ATIC: variants seen among roughly 807,000 people sequenced by gnomAD.
The protein encoded by ATIC is bifunctional purine biosynthesis protein ATIC.
ATIC carries 64 observed loss-of-function variants against 72.5 expected under a neutral mutation model. The ratio of observed to expected loss-of-function variants is 0.88; its 90% confidence interval spans 0.72 to 1.09. The LOEUF (loss-of-function observed/expected upper bound fraction) is 1.09, where lower values mean the gene tolerates loss of function less well. Among genes scored for constraint, ATIC ranks in the 50% least tolerant of loss-of-function variants. ATIC has a pLI of 0.00. For missense variants in ATIC, 787 were observed against 732.4 expected, an observed-to-expected ratio of 1.07 and a Z score of -0.86; for synonymous variants, 281 against 267.1, an observed-to-expected ratio of 1.05 and a Z score of -0.51.
At chr2:215,342,163 C>T (rs1379971072) in intron 12 of ATIC, among the ~76,000 whole-genome samples, 2 of 152,088 alleles carry the variant, frequency 1.3e-5, no homozygotes, top group African/African-American at 4.8e-5. Flanking sequence ...CACAGCCAAA[C>T]CGTATCACCA....
chr2:215,325,419 A>G (rs1388674470), intron 5 of ATIC, 90 bp downstream of exon 5: 1 of 966,198 alleles, frequency 1.0e-6, no homozygotes, highest in Admixed American at 2.0e-5. Context: ...TACTGAGGAA[A>G]TAGAAAGAAA....
chr2:215,320,889 C>G (rs1174026251), intron 4 of ATIC, among the ~76,000 whole-genome samples: 1 of 152,108 alleles, frequency 6.6e-6, no homozygotes, highest in African/African-American at 2.4e-5. Context: ...CTGCCCGGCT[C>G]TGTTAAACAA....
the ATIC span, among the ~76,000 whole-genome samples, chr2:215,356,220 T>C: frequency 1.3e-5 from 2 of 152,244 alleles, no homozygotes; most frequent in Non-Finnish European, 2.9e-5. Context: ...ATGCTGATTA[T>C]TCTTTTCATA....
At chr2:215,361,560 C>T in the ATIC span, 1 of 1,601,856 alleles carries the variant, frequency 6.2e-7, no homozygotes, top group Non-Finnish European at 8.6e-7. Context: ...ATGATTTACT[C>T]TCGGGAATCT....
chr2:215,338,657 C>A, intron 11 of ATIC, 122 bp from the exon 12 acceptor site: 1 of 1,047,794 alleles, frequency 9.5e-7, no homozygotes, highest in Non-Finnish European at 1.4e-6. Flanking sequence ...AATTAGAAAA[C>A]TGTAAAAAAT....
At chr2:215,332,737 C>CGTTTAGAAA (rs1465545188) in intron 8 of ATIC, among the ~76,000 whole-genome samples, 1 of 152,018 alleles carries the variant, frequency 6.6e-6, no homozygotes, top group Admixed American at 6.6e-5. Context: ...GGGGTGGAAC[C>CGTTTAGAAA]ATAAAAGTTT....
chr2:215,323,089 C>T (rs907400810), intron 4 of ATIC, among the ~76,000 whole-genome samples: 2 of 152,148 alleles, frequency 1.3e-5, no homozygotes, highest in African/African-American at 4.8e-5. Flanking sequence ...GGACTATAGG[C>T]GCCCGCTACC....
intron 10 of ATIC, among the ~76,000 whole-genome samples, chr2:215,335,564 A>G (rs1166551255): frequency 2.0e-5 from 3 of 152,218 alleles, no homozygotes; most frequent in African/African-American, 7.2e-5. Flanking sequence ...TTCCATGGCC[A>G]CTGCCATCCC....
intron 2 of ATIC, among the ~76,000 whole-genome samples, chr2:215,317,224 AT>A (rs900527193): frequency 2.0e-5 from 3 of 151,932 alleles, no homozygotes; most frequent in African/African-American, 7.3e-5. Context: ...TTGTGTGATT[AT>A]TTTTTCTAGT....
At chr2:215,366,962 A>T in the ATIC span, among the ~76,000 whole-genome samples, 2 of 152,232 alleles carry the variant, frequency 1.3e-5, no homozygotes, top group Non-Finnish European at 2.9e-5. Context: ...TATATTGAAA[A>T]CACTGGCTGG....
At chr2:215,356,113 T>C in the ATIC span, among the ~76,000 whole-genome samples, 10 of 152,222 alleles carry the variant, frequency 6.6e-5, no homozygotes, top group Non-Finnish European at 1.2e-4. Flanking sequence ...ATGAGAACAA[T>C]ACTGACGTCT....
At chr2:215,339,409 G>A (rs2052993255) in intron 12 of ATIC, among the ~76,000 whole-genome samples, 1 of 152,206 alleles carries the variant, frequency 6.6e-6, no homozygotes, top group East Asian at 1.9e-4. Context: ...CCAGCTACTC[G>A]AGAGGCTGAG....
In ATIC at chr2:215,330,986, G is replaced by A. The variant is rs113868676; in HGVS notation, c.689-1396G>A. On this transcript the variant is annotated intron_variant, in intron 7 of 15. Transcript: ENST00000236959. Reference sequence around the variant, plus strand: ...GTGGGTTGGTAGCTTATTTCTTAATGCTGAATAATATTTCACTGTGTATGA... The same window carrying A: ...GTGGGTTGGTAGCTTATTTCTTAATACTGAATAATATTTCACTGTGTATGA... Among the ~76,000 whole-genome samples the A allele has an allele frequency of 8.9e-4, 135 of 152,194 alleles. 1 individual carries two copies. The highest frequency in any genetic ancestry group is 3.1e-3 in the African/African-American group (130 of 41,526).
rs185435839 is a variant in ATIC, at chr2:215,343,325, G to T, written c.1228-1454G>T. Among the ~76,000 whole-genome samples the T allele has an allele frequency of 3.7e-3, 557 of 152,000 alleles. 2 individuals are homozygous for T. Among genetic ancestry groups the T allele is most frequent in the African/African-American group, 0.013 (530 of 41,446 alleles). ...TTGCCCATTTTCTAATTAAATTTTTGATTGTTACTGAGTTTTTTTGTTTTG... is the reference window on the plus strand; with the variant it reads ...TTGCCCATTTTCTAATTAAATTTTTTATTGTTACTGAGTTTTTTTGTTTTG... On this transcript the variant is annotated intron_variant, in intron 12 of 15. Coordinates refer to ENST00000236959, the MANE Select transcript of ATIC (RefSeq NM_004044.7).
chr2:215,327,381 G>T (rs2052840509), intron 7 of ATIC, among the ~76,000 whole-genome samples: 1 of 152,174 alleles, frequency 6.6e-6, no homozygotes, highest in African/African-American at 2.4e-5. Context: ...ACAGAAAAGG[G>T]ACTGTTTGTT....
At chr2:215,333,237 G>A in intron 8 of ATIC, 113 bp from the exon 9 acceptor site, 1 of 827,626 alleles carries the variant, frequency 1.2e-6, no homozygotes, top group East Asian at 2.5e-5. Flanking sequence ...TTTAGCACAG[G>A]CACTAGAAAA....
chr2:215,368,104 CTG>C, the ATIC span: 3 of 1,424,926 alleles, frequency 2.1e-6, no homozygotes, highest in Non-Finnish European at 3.0e-6. Flanking sequence ...AATCGAATGA[CTG>C]TATACAATGA....
intron 9 of ATIC, 48 bp from the exon 10 acceptor site, chr2:215,334,871 G>T (rs770601949): frequency 1.4e-6 from 2 of 1,447,242 alleles, no homozygotes; most frequent in South Asian, 1.2e-5. Context: ...TACTTTTTCT[G>T]TATCAGGATA....
intron 10 of ATIC, 151 bp downstream of exon 10, chr2:215,335,155 C>T (rs1219604100): frequency 2.3e-6 from 1 of 427,974 alleles, no homozygotes; most frequent in Non-Finnish European, 3.9e-6. Flanking sequence ...TTAAATAGAA[C>T]ATTAATCTTA....
Sources: gnomAD v4.1 joint callset for allele counts (sites outside exome capture counted in the v4.1 genomes callset) on GRCh38, gnomAD v4.1.1 for gene constraint, MANE v1.5 for transcripts, NCBI Gene and HGNC (gene_info 2026-07-23, HGNC 2026-07-21) for gene names.